The following CNTN4 variants were observed in gnomAD, a reference collection of about 807,000 sequenced individuals.
CNTN4 encodes contactin-4.
A neutral mutation model predicts 122.5 loss-of-function variants in CNTN4; 77 were observed. That is an observed-to-expected ratio of 0.63 (90% CI 0.52 to 0.76). CNTN4 has a LOEUF of 0.76. CNTN4 is among the 30% of genes least tolerant of loss of function. CNTN4 has a pLI of 0.00. For synonymous variants in CNTN4, 512 were observed against 447.0 expected, an observed-to-expected ratio of 1.15 and a Z score of -1.83; for missense variants, 1,256 against 1,259.1, an observed-to-expected ratio of 1.00 and a Z score of 0.04.
intron 5 of CNTN4, among the ~76,000 whole-genome samples, chr3:2,745,073 C>G (rs1356783406): frequency 6.6e-6 from 1 of 152,188 alleles, no homozygotes; most frequent in African/African-American, 2.4e-5. Context: ...ATCAAAGCAA[C>G]TCTGCTGCAA....
In CNTN4 at chr3:2,944,305, C is replaced by T. The variant is rs529410623; in HGVS notation, c.1358+18526C>T. 2.1e-3 allele frequency among the ~76,000 whole-genome samples: 321 copies of T among 152,018 alleles called. 2 individuals carry two copies. Among genetic ancestry groups the T allele is most frequent in the African/African-American group, 7.4e-3 (305 of 41,486 alleles). ...TAAATTTTTTTTACCATTTCATTCT[C>T]GGAAGCACAATAGCACAGAGTTAAA... On this transcript the variant is annotated intron_variant, in intron 13 of 24. Transcript: ENST00000418658.
intron 2 of CNTN4, among the ~76,000 whole-genome samples, chr3:2,150,910 G>A (rs1173357460): frequency 6.6e-6 from 1 of 152,038 alleles, no homozygotes; most frequent in Non-Finnish European, 1.5e-5. Context: ...TCCTCTTTGG[G>A]GGAGGATGTT....
intron 7 of CNTN4, among the ~76,000 whole-genome samples, chr3:2,823,845 G>A (rs1576943346): frequency 6.6e-6 from 1 of 152,106 alleles, no homozygotes; most frequent in African/African-American, 2.4e-5. Flanking sequence ...AGATGCTTGC[G>A]ACTCAAAGGG....
At chr3:2,161,090 G>A (rs1218004521) in intron 2 of CNTN4, among the ~76,000 whole-genome samples, 1 of 152,124 alleles carries the variant, frequency 6.6e-6, no homozygotes, top group East Asian at 1.9e-4. Flanking sequence ...GTAGGTCTTA[G>A]CTAGGCATGA....
chr3:2,489,489 C>T (rs1301984539), intron 3 of CNTN4, among the ~76,000 whole-genome samples: 1 of 152,204 alleles, frequency 6.6e-6, no homozygotes, highest in African/African-American at 2.4e-5. Context: ...CCAGAAGCCT[C>T]AGCCAAAATG....
intron 10 of CNTN4, among the ~76,000 whole-genome samples, chr3:2,895,862 G>T (rs956300501): frequency 1.3e-5 from 2 of 152,172 alleles, no homozygotes; most frequent in East Asian, 1.9e-4. Context: ...GTGAAACCCC[G>T]TCTCTACTAA....
intron 4 of CNTN4, among the ~76,000 whole-genome samples, chr3:2,713,678 C>T (rs2087294010): frequency 6.6e-6 from 1 of 152,150 alleles, no homozygotes; most frequent in African/African-American, 2.4e-5. Flanking sequence ...GCTGAAGTGA[C>T]AATATGCCAT....
chr3:2,562,355 G>A (rs2078993307), intron 3 of CNTN4, among the ~76,000 whole-genome samples: 1 of 152,080 alleles, frequency 6.6e-6, no homozygotes, highest in South Asian at 2.1e-4. Flanking sequence ...TACCCAATAA[G>A]CAGTTTTCAG....
At chr3:2,647,221 A>G (rs976497901) in intron 4 of CNTN4, among the ~76,000 whole-genome samples, 1 of 152,016 alleles carries the variant, frequency 6.6e-6, no homozygotes, top group Non-Finnish European at 1.5e-5. Context: ...TCCCTACTAA[A>G]AATACAAAAA....
At chr3:2,179,493 A>T (rs762087368) in intron 2 of CNTN4, among the ~76,000 whole-genome samples, 1 of 152,138 alleles carries the variant, frequency 6.6e-6, no homozygotes, top group Admixed American at 6.6e-5. Context: ...TCCCTGTAGT[A>T]GCTATAACAA....
At chr3:2,190,960 C>CT (rs2037512916) in intron 2 of CNTN4, among the ~76,000 whole-genome samples, 1 of 152,096 alleles carries the variant, frequency 6.6e-6, no homozygotes, top group South Asian at 2.1e-4. Context: ...AAGTTCTTGA[C>CT]TTTCACCTCA....
intron 3 of CNTN4, among the ~76,000 whole-genome samples, chr3:2,548,717 T>G (rs2078352304): frequency 2.0e-5 from 3 of 152,274 alleles, no homozygotes; most frequent in South Asian, 4.1e-4. Context: ...GTGAAGAAAG[T>G]CAATGGTAGC....
intron 3 of CNTN4, among the ~76,000 whole-genome samples, chr3:2,563,278 G>A (rs74664575): frequency 9.5e-4 from 145 of 152,266 alleles, no homozygotes; most frequent in African/African-American, 3.4e-3. Context: ...TACATAAAAA[G>A]AACGCATGTC....
At chr3:3,046,379 A>T (rs1290262952) in intron 23 of CNTN4, among the ~76,000 whole-genome samples, 3 of 152,204 alleles carry the variant, frequency 2.0e-5, no homozygotes, top group Non-Finnish European at 2.9e-5. Flanking sequence ...AGCCAGAGAG[A>T]AAGGTCAGGT....
At chr3:2,976,250 GTTAT>G (rs1463173527) in intron 13 of CNTN4, among the ~76,000 whole-genome samples, 2 of 152,156 alleles carry the variant, frequency 1.3e-5, no homozygotes, top group Non-Finnish European at 2.9e-5. Flanking sequence ...TTATTGCCAG[GTTAT>G]TTTAAAGGGC....
At chr3:2,999,475 T>A (rs1487826657) in intron 14 of CNTN4, among the ~76,000 whole-genome samples, 1 of 152,102 alleles carries the variant, frequency 6.6e-6, no homozygotes, top group Non-Finnish European at 1.5e-5. Flanking sequence ...AATAGCAGCT[T>A]CTTTCTCATG....
intron 3 of CNTN4, among the ~76,000 whole-genome samples, chr3:2,535,546 T>C (rs1469569136): frequency 6.6e-6 from 1 of 152,142 alleles, no homozygotes; most frequent in East Asian, 1.9e-4. Context: ...AGAGACTTGC[T>C]TGCTTTTTGT....
Position 2,680,724 on chromosome 3 carries a change from A to T in CNTN4, c.56-55491A>T, listed in dbSNP as rs78564109. Among the ~76,000 whole-genome samples the T allele has an allele frequency of 3.9e-3, 600 of 152,280 alleles. 3 individuals are homozygous for T. Among genetic ancestry groups the T allele is most frequent in the African/African-American group, 0.014 (582 of 41,556 alleles). On this transcript the variant is annotated intron_variant, in intron 4 of 24. Transcript: ENST00000418658. ...ATGTTTTTGAAGAATCATGACATGG[A>T]TAGGTGCTTGGATTGCAGTGTATAT...
At chr3:2,576,857 C>G (rs2079713320) in intron 4 of CNTN4, among the ~76,000 whole-genome samples, 2 of 152,212 alleles carry the variant, frequency 1.3e-5, no homozygotes, top group South Asian at 4.2e-4. Flanking sequence ...CACGCCTCGC[C>G]CATTTCTGAC....
Sources: allele counts gnomAD v4.1 joint callset (sites outside exome capture counted in the v4.1 genomes callset), GRCh38; gene constraint gnomAD v4.1.1; transcripts MANE v1.5; gene names NCBI Gene and HGNC (gene_info 2026-07-23, HGNC 2026-07-21).